The following CNTN5 variants were observed in gnomAD, a reference collection of about 807,000 sequenced individuals.
CNTN5 encodes contactin 5.
A neutral mutation model predicts 129.1 loss-of-function variants in CNTN5; 77 were observed. The ratio of observed to expected loss-of-function variants is 0.60; its 90% CI spans 0.50 to 0.72. CNTN5 has a LOEUF of 0.72. Among genes scored for constraint, CNTN5 ranks in the 30% least tolerant of loss-of-function variants. CNTN5 has a pLI of 0.00. For synonymous variants in CNTN5, 509 were observed against 465.6 expected, an observed-to-expected ratio of 1.09 and a Z score of -1.20; for missense variants, 1,478 against 1,328.8, an observed-to-expected ratio of 1.11 and a Z score of -1.75.
intron 9 of CNTN5, among the ~76,000 whole-genome samples, chr11:100,045,117 C>CTT (rs35836946): frequency 1.1e-3 from 160 of 150,106 alleles, no homozygotes; most frequent in African/African-American, 3.1e-3. Flanking sequence ...TTCCATATTA[C>CTT]TTTTTTTTTT....
intron 3 of CNTN5, among the ~76,000 whole-genome samples, chr11:99,819,324 C>CCTCCCCTCTCCTCTCCTCCCCTGTT (rs1946702715): frequency 1.2e-5 from 1 of 84,820 alleles, no homozygotes; most frequent in East Asian, 3.7e-4. Context: ...CCTCCCCTCC[C>CCTCCCCTCTCCTCTCCTCCCCTGTT]CTCCCCTCCC....
chr11:99,910,851 T>C (rs915263447), intron 6 of CNTN5, among the ~76,000 whole-genome samples: 3 of 152,080 alleles, frequency 2.0e-5, no homozygotes, highest in African/African-American at 7.2e-5. Flanking sequence ...GGTATTTGCA[T>C]GGAATGCAAA....
At chr11:99,992,765 T>C (rs1051618286) in intron 8 of CNTN5, among the ~76,000 whole-genome samples, 1 of 152,046 alleles carries the variant, frequency 6.6e-6, no homozygotes, top group Non-Finnish European at 1.5e-5. Flanking sequence ...TTGGAATAAA[T>C]AAGAAAATCA....
chr11:100,256,360 T>C (rs759052995), intron 17 of CNTN5, among the ~76,000 whole-genome samples: 31 of 152,198 alleles, frequency 2.0e-4, no homozygotes, highest in African/African-American at 3.6e-4. Flanking sequence ...TGTGTACTTA[T>C]ATGAGATTCT....
intron 9 of CNTN5, among the ~76,000 whole-genome samples, chr11:100,009,619 A>C (rs981729380): frequency 6.6e-6 from 1 of 152,034 alleles, no homozygotes; most frequent in African/African-American, 2.4e-5. Flanking sequence ...ATTGGGTGTA[A>C]TGTAGAAGTT....
intron 3 of CNTN5, among the ~76,000 whole-genome samples, chr11:99,785,162 A>G (rs987952995): frequency 6.6e-6 from 1 of 151,972 alleles, no homozygotes; most frequent in Non-Finnish European, 1.5e-5. Flanking sequence ...ACTGGTGATG[A>G]TTAGCTTTGT....
intron 1 of CNTN5, among the ~76,000 whole-genome samples, chr11:99,025,289 G>A (rs921870053): frequency 6.6e-5 from 10 of 151,906 alleles, no homozygotes; most frequent in Non-Finnish European, 1.2e-4. Flanking sequence ...TAAAGGGAAA[G>A]TGACTAAACT....
chr11:99,855,335 C>A (rs1431760547), intron 6 of CNTN5, among the ~76,000 whole-genome samples: 1 of 152,054 alleles, frequency 6.6e-6, no homozygotes, highest in Non-Finnish European at 1.5e-5. Context: ...ACAACAACAA[C>A]AAAACTTTGG....
intron 15 of CNTN5, among the ~76,000 whole-genome samples, chr11:100,219,995 C>T (rs760485361): frequency 5.3e-5 from 8 of 152,026 alleles, no homozygotes; most frequent in South Asian, 4.1e-4. Context: ...AACAAATTAC[C>T]AGCTGGGCGT....
chr11:99,162,470 A>T (rs899726017), intron 1 of CNTN5, among the ~76,000 whole-genome samples: 8 of 152,302 alleles, frequency 5.3e-5, no homozygotes, highest in Non-Finnish European at 1.2e-4. Context: ...TGCTTGGTGA[A>T]TCAAAGACTG....
At chr11:99,532,335 AAGTAACT>A (rs1405046024) in intron 2 of CNTN5, among the ~76,000 whole-genome samples, 1 of 152,134 alleles carries the variant, frequency 6.6e-6, no homozygotes, top group African/African-American at 2.4e-5. Context: ...TGTTTCTAGG[AAGTAACT>A]AACTTGCTTT....
chr11:99,828,013 AAGAG>A (rs10548999), intron 4 of CNTN5, among the ~76,000 whole-genome samples: 1 of 151,868 alleles, frequency 6.6e-6, no homozygotes, highest in South Asian at 2.1e-4. Flanking sequence ...AACTCATCAC[AAGAG>A]AGTTATTGTT....
chr11:99,645,322 A>C (rs1292874245), intron 3 of CNTN5, among the ~76,000 whole-genome samples: 1 of 150,954 alleles, frequency 6.6e-6, no homozygotes. Context: ...CTGAGACTTA[A>C]ACTACTCTGA....
chr11:99,121,712 TC>T (rs1283493016), intron 1 of CNTN5, among the ~76,000 whole-genome samples: 6 of 152,164 alleles, frequency 3.9e-5, no homozygotes, highest in Non-Finnish European at 8.8e-5. Context: ...AGAGGTGGTA[TC>T]CTGTTATGAC....
chr11:99,719,008 G>T (rs1321224127), intron 3 of CNTN5, among the ~76,000 whole-genome samples: 1 of 152,068 alleles, frequency 6.6e-6, no homozygotes, highest in African/African-American at 2.4e-5. Context: ...CCAAGAAAAA[G>T]TAAGGAATAA....
intron 1 of CNTN5, among the ~76,000 whole-genome samples, chr11:99,093,296 A>G (rs1866329022): frequency 6.6e-6 from 1 of 152,108 alleles, no homozygotes. Flanking sequence ...TTAAACTTTA[A>G]CAAGGGCATT....
chr11:99,666,833 A>G (rs1952810559), intron 3 of CNTN5, among the ~76,000 whole-genome samples: 1 of 152,126 alleles, frequency 6.6e-6, no homozygotes, highest in African/African-American at 2.4e-5. Flanking sequence ...CAAATTCTGA[A>G]TGTGATTAAC....
At chr11:100,109,042 CTG>C (rs1371973616) in intron 13 of CNTN5, among the ~76,000 whole-genome samples, 1 of 152,152 alleles carries the variant, frequency 6.6e-6, no homozygotes, top group African/African-American at 2.4e-5. Flanking sequence ...CATCTGAACT[CTG>C]TCATGCCACC....
At chr11:99,683,268 C>G (rs1953640413) in intron 3 of CNTN5, among the ~76,000 whole-genome samples, 1 of 151,746 alleles carries the variant, frequency 6.6e-6, no homozygotes, top group Admixed American at 6.6e-5. Flanking sequence ...GGAAACTTTC[C>G]TGTTCCACCT....
Sources: allele counts gnomAD v4.1 joint callset (sites outside exome capture counted in the v4.1 genomes callset), GRCh38; gene constraint gnomAD v4.1.1; transcripts MANE v1.5; gene names NCBI Gene and HGNC (gene_info 2026-07-23, HGNC 2026-07-21).